EIF3E: variants seen among roughly 807,000 people sequenced by gnomAD.
EIF3E encodes eukaryotic translation initiation factor 3 subunit E.
In EIF3E, 25 loss-of-function variants were observed where a neutral mutation model predicts 59.3. That is an observed-to-expected ratio of 0.42 (90% CI 0.31 to 0.59). The LOEUF (loss-of-function observed/expected upper bound fraction) is 0.59, where lower values mean the gene tolerates loss of function less well. Ranked by LOEUF, EIF3E falls within the 20% of genes least tolerant of loss-of-function variation. The pLI, the probability that EIF3E is intolerant of heterozygous loss-of-function variation, is 0.15. For synonymous variants in EIF3E, 176 were observed against 170.2 expected (o/e 1.03, Z -0.26); for missense variants, 317 against 534.3 (o/e 0.59, Z 4.01).
At chr8:108,226,785 AT>A (rs1815524061) in intron 7 of EIF3E, among the ~76,000 whole-genome samples, 1 of 152,184 alleles carries the variant, frequency 6.6e-6, no homozygotes, top group Non-Finnish European at 1.5e-5. Context: ...AATCCTGTTA[AT>A]GGAATCATTT....
rs1027499247 is a variant in EIF3E, at chr8:108,234,049, T to G, written c.471+949A>C. ...AAGGCCTGATATATATTTATTTATT[T>G]ATTGATGGAGTCTTGTTCTGTCACC... On this transcript the variant is annotated intron_variant, in intron 5 of 12. Coordinates refer to ENST00000220849, the MANE Select transcript of EIF3E (RefSeq NM_001568.3). Among the ~76,000 whole-genome samples, 6 of 152,200 alleles carry G rather than the reference T, an allele frequency of 3.9e-5. 1 individual carries two copies. In the East Asian group the frequency reaches 9.7e-4, roughly 25 times the overall value.
intron 1 of EIF3E, chr8:108,242,769 C>A: frequency 6.3e-6 from 4 of 635,844 alleles, no homozygotes; most frequent in Admixed American, 5.4e-5. Flanking sequence ...AGAAGACAAC[C>A]AAATGGCCAA....
chr8:108,214,328 G>C (rs894703052), intron 10 of EIF3E, among the ~76,000 whole-genome samples: 7 of 152,030 alleles, frequency 4.6e-5, no homozygotes, highest in Non-Finnish European at 1.0e-4. Context: ...CTTACGTAAA[G>C]GTACAAGAGT....
chr8:108,229,028 C>A lies in EIF3E; in HGVS notation c.597+42G>T, dbSNP rs1815573135. ...TCCTCATCAGAAAGTGTGAAGGATA[C>A]ACAGATATTTCAGAGAATAACTGTG... On this transcript the variant is annotated intron_variant, in intron 6 of 12. Coordinates refer to ENST00000220849, the MANE Select transcript of EIF3E (RefSeq NM_001568.3). The A allele has an allele frequency of 1.9e-6, 3 of 1,555,290 alleles. No individual in the cohort carries two copies. In the South Asian group the frequency reaches 3.7e-5, roughly 19 times the overall value.
intron 7 of EIF3E, among the ~76,000 whole-genome samples, chr8:108,218,199 AT>A (rs1563630396): frequency 6.6e-6 from 1 of 152,076 alleles, no homozygotes; most frequent in Non-Finnish European, 1.5e-5. Context: ...AATAAAGTCC[AT>A]TTCTTTTAGG....
intron 9 of EIF3E, among the ~76,000 whole-genome samples, chr8:108,215,695 T>C (rs1563629590): frequency 6.6e-6 from 1 of 152,182 alleles, no homozygotes; most frequent in Non-Finnish European, 1.5e-5. Context: ...GTAAGATATT[T>C]GTCAACAAAT....
intron 1 of EIF3E, among the ~76,000 whole-genome samples, chr8:108,244,525 G>A (rs1235627698): frequency 6.6e-6 from 1 of 152,082 alleles, no homozygotes; most frequent in Admixed American, 6.5e-5. Flanking sequence ...TTTTCATCAT[G>A]TATCTCATCT....
chr8:108,218,201 T>C (rs1316133650), intron 7 of EIF3E, among the ~76,000 whole-genome samples: 2 of 152,102 alleles, frequency 1.3e-5, no homozygotes, highest in South Asian at 4.1e-4. Context: ...TAAAGTCCAT[T>C]TCTTTTAGGT....
chr8:108,208,915 C>A (rs1815156735), intron 10 of EIF3E, among the ~76,000 whole-genome samples: 1 of 152,064 alleles, frequency 6.6e-6, no homozygotes, highest in Non-Finnish European at 1.5e-5. Flanking sequence ...ACACAGTAAT[C>A]TTTTTTGACA....
intron 12 of EIF3E, among the ~76,000 whole-genome samples, chr8:108,202,494 G>A (rs934343355): frequency 2.0e-5 from 3 of 151,954 alleles, no homozygotes; most frequent in Non-Finnish European, 4.4e-5. Context: ...TAACATGCAG[G>A]ATCTCTATCA....
At chr8:108,236,562 T>G (rs1815733613) in intron 3 of EIF3E, among the ~76,000 whole-genome samples, 2 of 152,224 alleles carry the variant, frequency 1.3e-5, no homozygotes, top group African/African-American at 4.8e-5. Flanking sequence ...AGAATGGTTT[T>G]TGCTCTATGT....
chr8:108,212,793 CTG>C (rs928650866), intron 10 of EIF3E, among the ~76,000 whole-genome samples: 6 of 138,506 alleles, frequency 4.3e-5, no homozygotes, highest in African/African-American at 1.7e-4. Flanking sequence ...CAGTGCAGGA[CTG>C]TGTCTCCCCC....
At chr8:108,229,268 A>G (rs1214413042) in intron 5 of EIF3E, 73 bp from the exon 6 acceptor site, 2 of 1,481,874 alleles carry the variant, frequency 1.3e-6, no homozygotes, top group African/African-American at 2.8e-5. Flanking sequence ...TTTTATACCC[A>G]TGTATCCCTC....
Position 108,235,040 on chromosome 8 carries a change from A to G in EIF3E, c.429T>C (p.Asn143=). 1 of 1,605,476 alleles carries G rather than the reference A, an allele frequency of 6.2e-7. No individual in the cohort carries two copies. The highest frequency in any genetic ancestry group is 1.1e-5 in the South Asian group (1 of 88,848). Residue 143 remains asparagine (N), a synonymous_variant, in exon 5 of 13, where the codon AAT becomes AAC. Coordinates refer to ENST00000220849, the MANE Select transcript of EIF3E (RefSeq NM_001568.3). ...AAAGATATTCTGCTGCTCCTGAGTA[A>G]TTCCCACATTCGTACTGGAATTTTG... ...RYAKFQYECG[N]YSGAAEYLYF...
At chr8:108,216,273 A>G in intron 9 of EIF3E, 139 bp downstream of exon 9, 1 of 638,388 alleles carries the variant, frequency 1.6e-6, no homozygotes, top group Non-Finnish European at 2.6e-6. Context: ...AACATGAGCC[A>G]TTTAGGCCTT....
intron 3 of EIF3E, among the ~76,000 whole-genome samples, chr8:108,239,273 C>T (rs1815793212): frequency 6.6e-6 from 1 of 152,168 alleles, no homozygotes; most frequent in South Asian, 2.1e-4. Flanking sequence ...ACCTCCGCCT[C>T]CCGGGCTCAA....
At position 108,241,858 on chromosome 8, in the gene EIF3E, T is replaced by C. The variant is rs1815842353; in HGVS notation, c.146A>G (p.Asn49Ser). Residue 49 changes from asparagine to serine, a missense_variant, in exon 2 of 13, where the codon AAC becomes AGC. By Grantham distance (46) the Asn-to-Ser change is conservative. Around this residue, in one of 4 missense-constraint regions of EIF3E, gnomAD observed 242 missense variants for 398.0 expected, o/e 0.61. Transcript: ENST00000220849. ...QGKLDLLSDT[N>S]MVDFAMDVYK... ...TACATCCATAGCAAAGTCTACCATG[T>C]TGGTATCACTAAGAAGGTCCAATTT... 6 of 1,602,718 alleles carry C rather than the reference T, an allele frequency of 3.7e-6. No homozygotes were observed. The highest frequency in any genetic ancestry group is 2.2e-5 in the East Asian group (1 of 44,582).
chr8:108,209,397 C>T (rs896519093), intron 10 of EIF3E, among the ~76,000 whole-genome samples: 4 of 152,014 alleles, frequency 2.6e-5, no homozygotes, highest in South Asian at 2.1e-4. Flanking sequence ...CATTGTTCCC[C>T]AATGCAGAGT....
chr8:108,217,643 G>A (rs1815329028), intron 7 of EIF3E, among the ~76,000 whole-genome samples, 183 bp from the exon 8 acceptor site: 1 of 152,126 alleles, frequency 6.6e-6, no homozygotes, highest in South Asian at 2.1e-4. Context: ...GAATCCAAAT[G>A]AGGAGAATGC....
Sources: allele counts gnomAD v4.1 joint callset (sites outside exome capture counted in the v4.1 genomes callset), GRCh38; gene constraint gnomAD v4.1.1; regional missense constraint gnomAD v4.1.1; transcripts MANE v1.5; gene names NCBI Gene and HGNC (gene_info 2026-07-23, HGNC 2026-07-21).